The following REPS2 variants were observed in gnomAD, a reference collection of about 807,000 sequenced individuals.
REPS2 encodes the protein ralBP1-associated Eps domain-containing protein 2.
A neutral mutation model predicts 53.6 loss-of-function variants in REPS2; 23 were observed. The ratio of observed to expected loss-of-function variants is 0.43; its 90% CI spans 0.31 to 0.61. The LOEUF is 0.61. Ranked by LOEUF, REPS2 falls within the 20% of genes least tolerant of loss-of-function variation. The pLI, the probability that REPS2 is intolerant of heterozygous loss-of-function variation, is 0.11. For synonymous variants in REPS2, 238 were observed against 218.6 expected (o/e 1.09, Z -0.78); for missense variants, 446 against 534.9 (o/e 0.83, Z 1.64).
chrX:16,958,862 G>C (rs929633288), intron 1 of REPS2, among the ~76,000 whole-genome samples: 5 of 111,900 alleles, frequency 4.5e-5, no homozygotes, highest in African/African-American at 1.6e-4. Flanking sequence ...CACAGGCTAT[G>C]AGCAGGAGTG....
intron 1 of REPS2, among the ~76,000 whole-genome samples, chrX:16,958,097 C>T (rs1238907333): frequency 1.8e-5 from 2 of 111,967 alleles, no homozygotes; most frequent in Admixed American, 9.5e-5. Flanking sequence ...ATAAAAGTCA[C>T]TTCTTGAAAT....
At chrX:17,095,030 C>T (rs959286203) in intron 13 of REPS2, among the ~76,000 whole-genome samples, 1 of 111,864 alleles carries the variant, frequency 8.9e-6, no homozygotes, top group African/African-American at 3.2e-5. Context: ...GAGGTCATTT[C>T]TTCCTGTTTT....
chrX:16,949,669 A>G (rs937147329), intron 1 of REPS2, among the ~76,000 whole-genome samples: 12 of 112,213 alleles, frequency 1.1e-4, no homozygotes, highest in African/African-American at 3.2e-4. Flanking sequence ...CAGCCTCCCA[A>G]AGTGCTGGGA....
rs756514544 is a variant in REPS2 at position 16,994,358 on chromosome X, C to T, written c.274-11863C>T. Among the ~76,000 whole-genome samples the T allele has an allele frequency of 7.8e-5, 7 of 89,607 alleles. No homozygotes were observed. In the East Asian group the frequency reaches 8.8e-4, roughly 11 times the overall value. 77.8% of individuals were successfully genotyped at this position (89,607 alleles called of 115,157 possible). ...GTATATGTGTGTATATATACACACA[C>T]GTACATATATATACATATATATACA... On this transcript the variant is annotated intron_variant, in intron 1 of 17. Transcript: ENST00000357277.
chrX:17,054,777 G>A (rs1298651958), intron 7 of REPS2, 31 bp from the exon 8 acceptor site: 2 of 1,204,229 alleles, frequency 1.7e-6, no homozygotes, highest in Non-Finnish European at 2.2e-6. Context: ...TAAGCCCCAT[G>A]GTAGGTACTC....
intron 14 of REPS2, among the ~76,000 whole-genome samples, chrX:17,126,541 C>T (rs937077329): frequency 2.7e-5 from 3 of 112,105 alleles, no homozygotes; most frequent in African/African-American, 6.5e-5. Context: ...TGATGGGCTA[C>T]GCAAAGGCAA....
intron 13 of REPS2, among the ~76,000 whole-genome samples, chrX:17,099,615 T>C (rs112975093): frequency 0.025 from 2,802 of 111,421 alleles, 92 homozygotes; most frequent in African/African-American, 0.087. Flanking sequence ...CAGCTTGGAA[T>C]GGCTTTAAAA....
intron 17 of REPS2, among the ~76,000 whole-genome samples, chrX:17,143,436 C>A (rs1471176059): frequency 4.6e-5 from 3 of 65,458 alleles, no homozygotes; most frequent in Non-Finnish European, 8.3e-5. Context: ...ATCCATTGTT[C>A]TCTACATTTG....
intron 12 of REPS2, among the ~76,000 whole-genome samples, chrX:17,075,881 T>C (rs1405718089): frequency 8.9e-6 from 1 of 112,056 alleles, no homozygotes; most frequent in East Asian, 2.8e-4. Context: ...GGGTCTCTAA[T>C]TGTCTTTTTT....
chrX:17,103,571 T>C, intron 13 of REPS2, 147 bp from the exon 14 acceptor site: 1 of 499,959 alleles, frequency 2.0e-6, no homozygotes, highest in South Asian at 3.1e-5. Flanking sequence ...TAACGTGTAC[T>C]CTTTTTTCTT....
intron 9 of REPS2, among the ~76,000 whole-genome samples, chrX:17,067,549 C>T (rs889593047): frequency 7.1e-5 from 8 of 111,945 alleles, no homozygotes; most frequent in African/African-American, 1.3e-4. Flanking sequence ...AGATTTTAAA[C>T]GGTTTAAAAC....
At chrX:16,952,149 A>G (rs1223029700) in intron 1 of REPS2, among the ~76,000 whole-genome samples, 1 of 111,331 alleles carries the variant, frequency 9.0e-6, no homozygotes, top group Non-Finnish European at 1.9e-5. Context: ...ATAGGTATAT[A>G]TATGTGCCAT....
At chrX:17,120,820 A>C (rs1344130643) in intron 14 of REPS2, among the ~76,000 whole-genome samples, 2 of 112,016 alleles carry the variant, frequency 1.8e-5, no homozygotes, top group Admixed American at 1.9e-4. Flanking sequence ...TGTGAAGGAG[A>C]ATCAATTGGC....
intron 11 of REPS2, among the ~76,000 whole-genome samples, chrX:17,072,980 A>G (rs1299904647): frequency 8.9e-6 from 1 of 112,127 alleles, no homozygotes; most frequent in Non-Finnish European, 1.9e-5. Context: ...TTCTCACTAC[A>G]ACAAGCCAAA....
chrX:17,159,330 C>T, the REPS2 span, among the ~76,000 whole-genome samples: 1 of 111,686 alleles, frequency 9.0e-6, no homozygotes, highest in Non-Finnish European at 1.9e-5. Context: ...CTACCTCCTT[C>T]CCAAACTCTG....
rs762347216 is a variant in REPS2 at position 17,132,560 on chromosome X, G to A, written c.1579-1264G>A. Among the ~76,000 whole-genome samples, 4 of 112,546 alleles carry A rather than the reference G, an allele frequency of 3.6e-5. No individual in the cohort carries two copies. In the South Asian group the frequency reaches 1.5e-3, roughly 41 times the overall value. On this transcript the variant is annotated intron_variant, in intron 14 of 17. Coordinates refer to ENST00000357277, the MANE Select transcript of REPS2 (RefSeq NM_004726.3). ...TTTTCTTTTTTTTCTTTCCTGAGAC[G>A]AAGTCTTGCTCTTGTTGCCCAGGTT...
At chrX:17,100,230 G>A (rs2062768394) in intron 13 of REPS2, 3 of 581,718 alleles carry the variant, frequency 5.2e-6, no homozygotes, top group East Asian at 3.2e-5. Flanking sequence ...TTTACCAATC[G>A]ACGGTAGAGA....
intron 17 of REPS2, among the ~76,000 whole-genome samples, chrX:17,144,803 A>G (rs1173951106): frequency 1.2e-4 from 13 of 111,815 alleles, no homozygotes; most frequent in African/African-American, 4.2e-4. Flanking sequence ...AGAGGAAGGG[A>G]AATAATTAGA....
intron 1 of REPS2, among the ~76,000 whole-genome samples, chrX:16,967,371 G>A (rs1203861181): frequency 9.1e-6 from 1 of 109,584 alleles, no homozygotes; most frequent in Non-Finnish European, 1.9e-5. Context: ...ATGGCAGATG[G>A]TCCTCAATAA....
Sources: allele counts gnomAD v4.1 joint callset (sites outside exome capture counted in the v4.1 genomes callset), GRCh38; gene constraint gnomAD v4.1.1; transcripts MANE v1.5; gene names NCBI Gene and HGNC (gene_info 2026-07-23, HGNC 2026-07-21).